Variants in DLG2 observed in about 807,000 individuals in gnomAD.
DLG2 encodes discs large MAGUK scaffold protein 2, also known as disks large homolog 2.
DLG2 carries 45 observed loss-of-function variants against 132.5 expected under a neutral mutation model. The observed-to-expected ratio is 0.34, with a 90% confidence interval of 0.27 to 0.44. The LOEUF is 0.44. DLG2 is among the 20% of genes least tolerant of loss of function. DLG2 has a pLI of 1.00. For missense variants in DLG2, 1,045 were observed against 1,196.9 expected, an observed-to-expected ratio of 0.87 and a Z score of 1.87; for synonymous variants, 424 against 419.6, an observed-to-expected ratio of 1.01 and a Z score of -0.13.
intron 16 of DLG2, among the ~76,000 whole-genome samples, chr11:83,847,308 G>GA (rs2058822045): frequency 6.6e-6 from 1 of 152,074 alleles, no homozygotes; most frequent in Admixed American, 6.5e-5. Flanking sequence ...TAGGATTAGA[G>GA]AAAAAAACTC....
chr11:84,835,207 A>T (rs2079582751), intron 6 of DLG2, among the ~76,000 whole-genome samples: 1 of 151,688 alleles, frequency 6.6e-6, no homozygotes, highest in Non-Finnish European at 1.5e-5. Flanking sequence ...CCAAGAGGGC[A>T]GGGATACTTT....
intron 3 of DLG2, among the ~76,000 whole-genome samples, chr11:85,547,019 G>T (rs1253996569): frequency 6.6e-6 from 1 of 152,014 alleles, no homozygotes; most frequent in Non-Finnish European, 1.5e-5. Flanking sequence ...GGTTAATATT[G>T]TTATGTGTGA....
chr11:84,989,088 A>G (rs1209599870), intron 6 of DLG2, among the ~76,000 whole-genome samples: 1 of 152,208 alleles, frequency 6.6e-6, no homozygotes, highest in African/African-American at 2.4e-5. Context: ...AAAATACACT[A>G]TTTACAACTG....
chr11:84,718,697 C>T (rs552081613), intron 6 of DLG2, among the ~76,000 whole-genome samples: 4 of 152,192 alleles, frequency 2.6e-5, no homozygotes, highest in Admixed American at 6.5e-5. Context: ...AAACAGTAGC[C>T]ATTGCAAGGA....
intron 6 of DLG2, among the ~76,000 whole-genome samples, chr11:84,854,173 A>T (rs2082490384): frequency 6.6e-6 from 1 of 152,072 alleles, no homozygotes; most frequent in Admixed American, 6.6e-5. Flanking sequence ...ATCCACAAAC[A>T]ATGGAATAAA....
intron 6 of DLG2, among the ~76,000 whole-genome samples, chr11:84,638,280 G>A (rs932559631): frequency 6.6e-6 from 1 of 152,186 alleles, no homozygotes; most frequent in Admixed American, 6.5e-5. Context: ...AAGGTGAAGA[G>A]GAAATATAAA....
chr11:84,236,792 A>C (rs1414892628), intron 8 of DLG2, among the ~76,000 whole-genome samples: 1 of 152,220 alleles, frequency 6.6e-6, no homozygotes, highest in Non-Finnish European at 1.5e-5. Flanking sequence ...GCAGGTTAGA[A>C]GAACTAGATG....
At chr11:85,079,192 G>A (rs547474032) in intron 6 of DLG2, among the ~76,000 whole-genome samples, 8 of 152,144 alleles carry the variant, frequency 5.3e-5, no homozygotes, top group African/African-American at 1.7e-4. Flanking sequence ...CTAAAGATCT[G>A]GCATCAGTAG....
intron 8 of DLG2, among the ~76,000 whole-genome samples, chr11:84,179,236 A>C (rs2096056809): frequency 6.6e-6 from 1 of 152,180 alleles, no homozygotes; most frequent in Non-Finnish European, 1.5e-5. Context: ...TTTGGGGCTG[A>C]TGGCCTACTA....
intron 3 of DLG2, among the ~76,000 whole-genome samples, chr11:85,568,458 C>T (rs2153225028): frequency 6.6e-6 from 1 of 152,206 alleles, no homozygotes; most frequent in Admixed American, 6.5e-5. Flanking sequence ...CAGTATTCTC[C>T]CCTCCTCAAT....
rs76501610 is a variant in DLG2, at chr11:84,595,030, G to A, written c.358-60299C>T. Among the ~76,000 whole-genome samples the A allele has an allele frequency of 2.3e-3, 348 of 152,264 alleles. 1 individual carries two copies. Among genetic ancestry groups the A allele is most frequent in the Admixed American group, 5.7e-3 (87 of 15,296 alleles). ...AAAAGTAGATCACAAAATGTAGGTC[G>A]TTGAAAAAATTACAGCAGCACTTTG... On this transcript the variant is annotated intron_variant, in intron 6 of 27. Coordinates refer to ENST00000376104, the MANE Select transcript of DLG2 (RefSeq NM_001142699.3).
At chr11:83,939,665 T>C (rs2082223412) in intron 14 of DLG2, among the ~76,000 whole-genome samples, 1 of 152,038 alleles carries the variant, frequency 6.6e-6, no homozygotes, top group African/African-American at 2.4e-5. Context: ...ACACCTAAAG[T>C]TGCCAAATCT....
chr11:84,299,689 T>C (rs977922031), intron 7 of DLG2, among the ~76,000 whole-genome samples: 7 of 152,226 alleles, frequency 4.6e-5, no homozygotes, highest in South Asian at 2.1e-4. Flanking sequence ...GATTTAGTTA[T>C]TGGAAAAACG....
chr11:84,308,258 T>G (rs1342295056), intron 7 of DLG2, among the ~76,000 whole-genome samples: 4 of 152,138 alleles, frequency 2.6e-5, no homozygotes, highest in Non-Finnish European at 4.4e-5. Context: ...CCCCACTAGA[T>G]TAGCTAGATA....
chr11:84,557,401 A>C (rs1400194053), intron 6 of DLG2, among the ~76,000 whole-genome samples: 1 of 152,146 alleles, frequency 6.6e-6, no homozygotes, highest in Non-Finnish European at 1.5e-5. Flanking sequence ...CAAATTCCTT[A>C]AAATAAATTT....
At chr11:84,489,832 T>G (rs2099160180) in intron 7 of DLG2, among the ~76,000 whole-genome samples, 1 of 152,012 alleles carries the variant, frequency 6.6e-6, no homozygotes, top group African/African-American at 2.4e-5. Context: ...ATTTCATATA[T>G]TCTATCATGT....
At chr11:84,233,352 A>G (rs1389655280) in intron 8 of DLG2, among the ~76,000 whole-genome samples, 1 of 152,184 alleles carries the variant, frequency 6.6e-6, no homozygotes, top group African/African-American at 2.4e-5. Context: ...AACGCAGCCC[A>G]AGAAATTATT....
At chr11:85,031,647 G>C (rs1010949999) in intron 6 of DLG2, among the ~76,000 whole-genome samples, 1 of 151,738 alleles carries the variant, frequency 6.6e-6, no homozygotes, top group African/African-American at 2.4e-5. Flanking sequence ...AATTAAATAA[G>C]ACCACACTCC....
chr11:83,663,236 T>C (rs2074763180), intron 18 of DLG2, among the ~76,000 whole-genome samples: 1 of 152,230 alleles, frequency 6.6e-6, no homozygotes, highest in Non-Finnish European at 1.5e-5. Flanking sequence ...TTTAAGATTA[T>C]ACAGCAAAGT....
Sources: allele counts gnomAD v4.1 joint callset (sites outside exome capture counted in the v4.1 genomes callset), GRCh38; gene constraint gnomAD v4.1.1; transcripts MANE v1.5; gene names NCBI Gene and HGNC (gene_info 2026-07-23, HGNC 2026-07-21).